Variants in SH3KBP1 observed in about 807,000 individuals in gnomAD.
SH3KBP1 encodes the protein SH3 domain-containing kinase-binding protein 1.
Under a neutral mutation model 50.1 loss-of-function variants are expected in SH3KBP1, and 8 were observed. The observed-to-expected ratio is 0.16, with a 90% CI of 0.09 to 0.29. The LOEUF (loss-of-function observed/expected upper bound fraction) is 0.29, where lower values mean the gene tolerates loss of function less well. Among genes scored for constraint, SH3KBP1 ranks in the 10% least tolerant of loss-of-function variants. The pLI, the probability that SH3KBP1 is intolerant of heterozygous loss-of-function variation, is 1.00. For missense variants in SH3KBP1, 377 were observed against 535.2 expected (o/e 0.70, Z 2.92); for synonymous variants, 227 against 218.6 (o/e 1.04, Z -0.34).
chrX:19,848,678 A>G (rs140517791), intron 1 of SH3KBP1, among the ~76,000 whole-genome samples: 2,531 of 112,382 alleles, frequency 0.023, 82 homozygotes, highest in African/African-American at 0.077. Flanking sequence ...GGCTAATAAA[A>G]TGAAGAAGGA....
chrX:19,712,573 T>C (rs780971751), intron 3 of SH3KBP1, among the ~76,000 whole-genome samples: 1 of 111,481 alleles, frequency 9.0e-6, no homozygotes, highest in African/African-American at 3.3e-5. Flanking sequence ...ATAGTAATAA[T>C]TGATTCTGGG....
In SH3KBP1 at chrX:19,856,225, A is replaced by C. The variant is rs997905231; in HGVS notation, c.5-19943T>G. 3.6e-5 allele frequency among the ~76,000 whole-genome samples: 4 copies of C among 111,928 alleles called. No homozygotes were observed. The Admixed American group carries it at 3.8e-4, about 11-fold the overall frequency. On this transcript the variant is annotated intron_variant, in intron 1 of 17. Coordinates refer to ENST00000397821, the MANE Select transcript of SH3KBP1 (RefSeq NM_031892.3). ...AAATTAACTTCAGAGTGGGTTACTG[A>C]CAGTTTCTGTCATATGCTCCTAGCT... is the stretch of plus-strand genomic sequence containing the variant.
intron 2 of SH3KBP1, among the ~76,000 whole-genome samples, chrX:19,772,256 A>C (rs999796896): frequency 9.0e-6 from 1 of 111,700 alleles, no homozygotes; most frequent in South Asian, 3.7e-4. Context: ...CAACAATAAG[A>C]GAGTCTGTTC....
chrX:19,627,707 T>C (rs2061489869), intron 8 of SH3KBP1, among the ~76,000 whole-genome samples: 1 of 112,145 alleles, frequency 8.9e-6, no homozygotes, highest in Admixed American at 9.4e-5. Context: ...GTCTGACTCA[T>C]TTTCTAGAAA....
intron 8 of SH3KBP1, among the ~76,000 whole-genome samples, chrX:19,612,423 C>T (rs764790717): frequency 5.0e-4 from 56 of 111,209 alleles, no homozygotes; most frequent in Middle Eastern, 4.6e-3. Context: ...GCCACCACGC[C>T]TGGTTAATTT....
chrX:19,567,556 A>AT, intron 13 of SH3KBP1, among the ~76,000 whole-genome samples: 2 of 74,642 alleles, frequency 2.7e-5, no homozygotes, highest in East Asian at 3.7e-4. Context: ...AAAAAAAAAA[A>AT]AATATATATA....
At position 19,758,572 on chromosome X, in the gene SH3KBP1, C is replaced by G. The variant is rs2065287649; in HGVS notation, c.163-12131G>C. 2.7e-5 allele frequency among the ~76,000 whole-genome samples: 3 copies of G among 110,923 alleles called. No homozygotes were observed. The Admixed American group carries it at 2.9e-4, about 11-fold the overall frequency. On this transcript the variant is annotated intron_variant, in intron 2 of 17. Coordinates refer to ENST00000397821, the MANE Select transcript of SH3KBP1 (RefSeq NM_031892.3). ...CAAATTGAGTCCCCTGAGGGATGGGCATTTTTCCCATCAAAGTCTCCTCTG... is the reference window on the plus strand; with the variant it reads ...CAAATTGAGTCCCCTGAGGGATGGGGATTTTTCCCATCAAAGTCTCCTCTG...
intron 9 of SH3KBP1, among the ~76,000 whole-genome samples, chrX:19,596,500 G>A (rs1459308554): frequency 8.9e-6 from 1 of 111,918 alleles, no homozygotes; most frequent in Non-Finnish European, 1.9e-5. Flanking sequence ...TGGGGTGACT[G>A]TAGCAATTCC....
In SH3KBP1 at chrX:19,625,830, G is replaced by A. The variant is rs990151441; in HGVS notation, c.897+6034C>T. On this transcript the variant is annotated intron_variant, in intron 8 of 17. Coordinates refer to ENST00000397821, the MANE Select transcript of SH3KBP1 (RefSeq NM_031892.3). Reference sequence around the variant, plus strand: ...CCCACAGGAAACACGAACTCCACCCGCAGTTACCACCTTGCCCAGCCCCCA... The same window carrying A: ...CCCACAGGAAACACGAACTCCACCCACAGTTACCACCTTGCCCAGCCCCCA... 2.7e-5 allele frequency among the ~76,000 whole-genome samples: 3 copies of A among 111,641 alleles called. No individual in the cohort carries two copies. In the Admixed American group the frequency reaches 2.8e-4, roughly 11 times the overall value.
chrX:19,788,561 C>A (rs780333688), intron 2 of SH3KBP1, among the ~76,000 whole-genome samples: 24 of 111,690 alleles, frequency 2.1e-4, no homozygotes, highest in Non-Finnish European at 3.9e-4. Context: ...GGTACTTTGT[C>A]ACAGCAGCAC....
intron 2 of SH3KBP1, among the ~76,000 whole-genome samples, chrX:19,814,159 G>A (rs772345055): frequency 9.1e-6 from 1 of 110,109 alleles, no homozygotes; most frequent in Non-Finnish European, 1.9e-5. Context: ...TTCCTCTCCT[G>A]CCACACCCCC....
In SH3KBP1 at chrX:19,671,397, T is replaced by TAC. The variant is rs779834613; in HGVS notation, c.726+12424_726+12425dup. Among the ~76,000 whole-genome samples, 616 of 73,618 alleles carry TAC rather than the reference T, an allele frequency of 8.4e-3. 7 individuals carry two copies. Among genetic ancestry groups the TAC allele is most frequent in the Middle Eastern group, 0.017 (3 of 174 alleles). 63.9% of individuals were successfully genotyped at this position (73,618 alleles called of 115,157 possible). On this transcript the variant is annotated intron_variant, in intron 6 of 17. Transcript: ENST00000397821. ...ACACACACACACACACACACACACA[T>TAC]ACACACACACACACACAGAAGAAGG...
At chrX:19,674,059 T>C (rs1216435057) in intron 6 of SH3KBP1, among the ~76,000 whole-genome samples, 1 of 112,490 alleles carries the variant, frequency 8.9e-6, no homozygotes, top group Non-Finnish European at 1.9e-5. Context: ...TCTATTCTCA[T>C]TGATGCTTTG....
intron 2 of SH3KBP1, among the ~76,000 whole-genome samples, chrX:19,758,322 C>A: frequency 1.7e-5 from 1 of 57,843 alleles, no homozygotes; most frequent in East Asian, 5.6e-4. Context: ...AGTGAGACTT[C>A]GTTTCAAAAA....
intron 8 of SH3KBP1, among the ~76,000 whole-genome samples, chrX:19,613,940 G>A (rs972219975): frequency 8.9e-6 from 1 of 112,944 alleles, no homozygotes; most frequent in Non-Finnish European, 1.9e-5. Flanking sequence ...TGACACAAGA[G>A]CTGGTTGTTG....
intron 6 of SH3KBP1, among the ~76,000 whole-genome samples, chrX:19,648,968 C>T (rs1475261519): frequency 3.6e-5 from 4 of 111,876 alleles, no homozygotes; most frequent in Admixed American, 9.5e-5. Flanking sequence ...GCCTCATGAA[C>T]GCAATGTCTA....
At chrX:19,565,095 C>A (rs773732298) in intron 13 of SH3KBP1, among the ~76,000 whole-genome samples, 7 of 82,318 alleles carry the variant, frequency 8.5e-5, no homozygotes, top group Non-Finnish European at 1.3e-4. Flanking sequence ...AAGTCTCGCT[C>A]TTGTCCCCCA....
At chrX:19,807,162 T>A (rs778175975) in intron 2 of SH3KBP1, among the ~76,000 whole-genome samples, 10 of 112,247 alleles carry the variant, frequency 8.9e-5, no homozygotes, top group African/African-American at 3.2e-4. Context: ...CAAATTCACA[T>A]TCCTTTTCAC....
At chrX:19,610,743 G>A (rs1367185105) in intron 8 of SH3KBP1, among the ~76,000 whole-genome samples, 2 of 111,516 alleles carry the variant, frequency 1.8e-5, no homozygotes, top group East Asian at 5.6e-4. Context: ...CAAAAGAGGA[G>A]AGAACCATTA....
Sources: allele counts gnomAD v4.1 joint callset (sites outside exome capture counted in the v4.1 genomes callset), GRCh38; gene constraint gnomAD v4.1.1; transcripts MANE v1.5; gene names NCBI Gene and HGNC (gene_info 2026-07-23, HGNC 2026-07-21).